The following TMEM214 variants were observed in gnomAD, a reference collection of about 807,000 sequenced individuals.
TMEM214 encodes the protein transmembrane protein 214.
A neutral mutation model predicts 89.8 loss-of-function variants in TMEM214; 71 were observed. That is an observed-to-expected ratio of 0.79 (90% CI 0.65 to 0.96). The LOEUF is 0.96. Among genes scored for constraint, TMEM214 ranks in the 40% least tolerant of loss-of-function variants. The pLI, the probability that TMEM214 is intolerant of heterozygous loss-of-function variation, is 0.00. For missense variants in TMEM214, 754 were observed against 843.4 expected (o/e 0.89, Z 1.31); for synonymous variants, 332 against 349.5 (o/e 0.95, Z 0.56).
At chr2:27,036,204 T>C in intron 5 of TMEM214, 152 bp downstream of exon 5, 1 of 717,058 alleles carries the variant, frequency 1.4e-6, no homozygotes, top group Non-Finnish European at 2.4e-6. Flanking sequence ...GTGTGTGTGC[T>C]CTGGAAACAT....
chr2:27,036,712 G>A lies in TMEM214; in HGVS notation c.834G>A (p.Leu278=). 1 of 1,614,126 alleles carries A rather than the reference G, an allele frequency of 6.2e-7. No individual in the cohort carries two copies. The highest frequency in any genetic ancestry group is 8.5e-7 in the Non-Finnish European group (1 of 1,180,034). ...TGACTTTTACCCCTGCAGTGTGGCT[G>A]GGGATCATGCTGCCTGTGCTGGGCA... The part of the protein sequence containing the change: ...ANLTEGLKVW[L]GIMLPVLGIK... Residue 278 remains leucine (L), a synonymous_variant, in exon 7 of 17, where the codon CTG becomes CTA. Transcript: ENST00000238788.
chr2:27,035,092 C>T (rs768981413), intron 2 of TMEM214, 43 bp from the exon 3 acceptor site: 77 of 1,609,426 alleles, frequency 4.8e-5, no homozygotes, highest in Non-Finnish European at 6.5e-5. Context: ...CTCCCTCACT[C>T]ACAACTCGCC....
Position 27,035,147 on chromosome 2 carries a change from G to A in TMEM214, c.364G>A (p.Asp122Asn). The A allele has an allele frequency of 6.2e-7, 1 of 1,614,102 alleles. No individual in the cohort carries two copies. The highest frequency in any genetic ancestry group is 8.5e-7 in the Non-Finnish European group (1 of 1,180,018). ...EEALKALDVADLQKELDKSQS... is the reference protein window; with the variant it reads ...EEALKALDVANLQKELDKSQS... The stretch of plus-strand genomic sequence containing the variant: ...TTGTCCCTGGCAGCTGGATGTGGCA[G>A]ACCTGCAGAAGGAACTGGACAAGAG... The change falls in exon 3 of 17, where the codon GAC becomes AAC. Residue 122 changes from aspartate (D) to asparagine (N), a missense_variant. Coordinates refer to ENST00000238788, the MANE Select transcript of TMEM214 (RefSeq NM_017727.5).
chr2:27,039,678 T>G (rs1331204493), intron 13 of TMEM214, 63 bp from the exon 14 acceptor site: 1 of 1,389,184 alleles, frequency 7.2e-7, no homozygotes, highest in Non-Finnish European at 1.0e-6. Context: ...GGCCCTGTAG[T>G]GTCTGTCTCC....
intron 7 of TMEM214, 24 bp from the exon 8 acceptor site, chr2:27,037,053 G>A (rs377047143): frequency 2.1e-5 from 33 of 1,602,996 alleles, no homozygotes; most frequent in Non-Finnish European, 2.6e-5. Context: ...GGTGTCCAGC[G>A]AGCCTGTTTC....
intron 5 of TMEM214, 65 bp downstream of exon 5, chr2:27,036,117 G>A (rs1667548484): frequency 6.7e-7 from 1 of 1,491,172 alleles, no homozygotes; most frequent in Non-Finnish European, 9.3e-7. Context: ...CAGAATCTAT[G>A]TTGTTGGACT....
intron 3 of TMEM214, 24 bp downstream of exon 3, chr2:27,035,309 G>C: frequency 6.2e-7 from 1 of 1,613,952 alleles, no homozygotes; most frequent in Non-Finnish European, 8.5e-7. Flanking sequence ...GCTTCCTCAA[G>C]CTCAGACAAG....
chr2:27,033,559 C>T (rs925502392), intron 1 of TMEM214, among the ~76,000 whole-genome samples: 1 of 152,146 alleles, frequency 6.6e-6, no homozygotes, highest in Non-Finnish European at 1.5e-5. Context: ...ACCAGCAGGT[C>T]ATGGAGGAAG....
chr2:27,038,972 G>A lies in TMEM214; in HGVS notation c.1408-75G>A, dbSNP rs2148247758. Reference sequence around the variant, plus strand: ...GCTTGACGCTCTTTCGGGAAGGCCTGGCTTGAGGTCTGCCCTCAGAGGCAA... The same window carrying A: ...GCTTGACGCTCTTTCGGGAAGGCCTAGCTTGAGGTCTGCCCTCAGAGGCAA... On this transcript the variant is annotated intron_variant, in intron 12 of 16. Transcript: ENST00000238788. The surrounding 1 kb of genome is among the most constrained non-coding windows in gnomAD (Gnocchi z 4.4). The A allele has an allele frequency of 6.5e-7, 1 of 1,539,340 alleles. No individual in the cohort carries two copies. Among genetic ancestry groups the A allele is most frequent in the South Asian group, 1.1e-5 (1 of 89,514 alleles).
chr2:27,036,455 T>C (rs1462610665), intron 5 of TMEM214, 32 bp from the exon 6 acceptor site: 1 of 1,577,004 alleles, frequency 6.3e-7, no homozygotes, highest in Non-Finnish European at 8.7e-7. Flanking sequence ...TTTTGTCCTA[T>C]CCCAATCTGC....
rs1667786425 is a variant in TMEM214 at position 27,040,405 on chromosome 2, C to A, written c.1852C>A (p.Leu618Met). 1 of 1,614,158 alleles carries A rather than the reference C, an allele frequency of 6.2e-7. No individual in the cohort carries two copies. The highest frequency in any genetic ancestry group is 8.5e-7 in the Non-Finnish European group (1 of 1,180,062). Residue 618 changes from leucine (L) to methionine (M), a missense_variant, in exon 16 of 17, where the codon CTG becomes ATG. Leu to Met is a conservative substitution (Grantham distance 15, BLOSUM62 2). Transcript: ENST00000238788. ...QLLRYLRELP[L>M]LFHQNVLLPL... ...ACTCCGCTATCTGAGAGAGCTGCCC[C>A]TGCTTTTCCACCAGAATGTGCTGCT...
rs768571313 is a variant in TMEM214, at chr2:27,040,723, C to A, written c.1956C>A (p.Thr652=). The A allele has an allele frequency of 5.6e-5, 91 of 1,613,924 alleles. No individual in the cohort carries two copies. Among genetic ancestry groups the A allele is most frequent in the Non-Finnish European group, 6.9e-5 (81 of 1,180,016 alleles). The stretch of plus-strand genomic sequence containing the variant: ...ACTTTCCTTCCAGAGGTGAGGTGAC[C>A]TGGGACTGCATGAAGACACAGCTCA... ...HCHEACRGEV[T]WDCMKTQLSE... is the part of the protein sequence containing the mutation. The change falls in exon 17 of 17, where the codon ACC becomes ACA. Residue 652 remains threonine, a synonymous_variant. Coordinates refer to ENST00000238788, the MANE Select transcript of TMEM214 (RefSeq NM_017727.5).
rs757121092 is a variant in TMEM214 at position 27,036,533 on chromosome 2, T to C, written c.767T>C (p.Leu256Pro). The C allele has an allele frequency of 6.2e-7, 1 of 1,614,118 alleles. No homozygotes were observed. The change falls in exon 6 of 17, where the codon CTC becomes CCC. Residue 256 changes from leucine (L) to proline (P), a missense_variant. By Grantham distance (98) the Leu-to-Pro change is moderately conservative. Transcript: ENST00000238788. ...RSHQSRPAKC[L>P]TIMWALGQAG... ...CACCAGAGCCGACCAGCAAAGTGTC[T>C]CACCATCATGTGGGCCCTGGGTCAA...
Position 27,034,175 on chromosome 2 carries a change from G to A in TMEM214, c.260G>A (p.Gly87Glu). 6.2e-7 allele frequency: 1 copy of A among 1,614,096 alleles called. No homozygotes were observed. Among genetic ancestry groups the A allele is most frequent in the East Asian group, 2.2e-5 (1 of 44,876 alleles). ...PPPAVEPKKP[G>E]NKKQPKKVAT... ...CCTGCTGTGGAACCTAAGAAACCAG[G>A]GAACAAGAAGCAGCCAAAGAAGGTG... Residue 87 changes from glycine to glutamate, a missense_variant, in exon 2 of 17, where the codon GGG (glycine) becomes GAG (glutamate). Physicochemically the swap from Gly to Glu is moderately conservative, Grantham distance 98. Coordinates refer to ENST00000238788, the MANE Select transcript of TMEM214 (RefSeq NM_017727.5).
chr2:27,034,304 G>A (rs1292533950), intron 2 of TMEM214, 38 bp downstream of exon 2: 11 of 1,604,500 alleles, frequency 6.9e-6, no homozygotes, highest in African/African-American at 2.7e-5. Context: ...AAAGAATGGG[G>A]GCTTGAGATT....
Position 27,041,004 on chromosome 2 carries a change from A to G in TMEM214, c.*167A>G. 1.3e-6 allele frequency: 1 copy of G among 766,330 alleles called. No individual in the cohort carries two copies. Among genetic ancestry groups the G allele is most frequent in the Non-Finnish European group, 2.1e-6 (1 of 487,386 alleles). 47.5% of individuals were successfully genotyped at this position (766,330 alleles called of 1,614,324 possible). A position where few individuals can be genotyped will look rare whatever the true frequency, so the allele number is the denominator to read the frequency against. On this transcript the variant is annotated 3_prime_UTR_variant, in exon 17 of 17. Transcript: ENST00000238788. ...CAGTTCTTCCATCTTTGGTGGGGAC[A>G]GGGCCCAGCAGCATCTCAGCCTCCT...
At chr2:27,037,537 G>A (rs2148244744) in intron 8 of TMEM214, 24 bp from the exon 9 acceptor site, 2 of 1,614,060 alleles carry the variant, frequency 1.2e-6, no homozygotes, top group East Asian at 4.5e-5. Context: ...GCTTATGCCT[G>A]TCTTTCCTCC....
chr2:27,038,739 A>G lies in TMEM214; in HGVS notation c.1331A>G (p.Lys444Arg). 4 of 1,614,168 alleles carry G rather than the reference A, an allele frequency of 2.5e-6. No homozygotes were observed. The highest frequency in any genetic ancestry group is 1.7e-5 in the Admixed American group (1 of 60,014). ...TTGCAAGAAACCATTCAGTCCCTCAAGCTTACCAACCAGGAGCTGCTGAGG... is the reference window on the plus strand; with the variant it reads ...TTGCAAGAAACCATTCAGTCCCTCAGGCTTACCAACCAGGAGCTGCTGAGG... ...KSLQETIQSLKLTNQELLRKG... is the reference protein window; with the variant it reads ...KSLQETIQSLRLTNQELLRKG... Residue 444 changes from lysine (K) to arginine (R), a missense_variant, in exon 12 of 17, where the codon AAG becomes AGG. Lys to Arg is a conservative substitution (Grantham distance 26, BLOSUM62 2). Transcript: ENST00000238788. The surrounding 1 kb of genome is among the most constrained non-coding windows in gnomAD (Gnocchi z 4.4).
rs1558401546 is a variant in TMEM214, at chr2:27,040,325, A to G, written c.1792-20A>G. On this transcript the variant is annotated intron_variant, in intron 15 of 16. Coordinates refer to ENST00000238788, the MANE Select transcript of TMEM214 (RefSeq NM_017727.5). ...GCAGTTCCCTGGATACTCTGACCCC[A>G]TCCATTCTCCATGGTCCAGCTACAG... 6.2e-7 allele frequency: 1 copy of G among 1,613,918 alleles called. No individual in the cohort carries two copies. The highest frequency in any genetic ancestry group is 8.5e-7 in the Non-Finnish European group (1 of 1,179,952).
Sources: allele counts gnomAD v4.1 joint callset (sites outside exome capture counted in the v4.1 genomes callset), GRCh38; gene constraint gnomAD v4.1.1; non-coding constraint Gnocchi (gnomAD v3.1); transcripts MANE v1.5; gene names NCBI Gene and HGNC (gene_info 2026-07-23, HGNC 2026-07-21).